DENND4C: variants seen among roughly 807,000 people sequenced by gnomAD.
DENND4C encodes the protein DENN domain containing 4C, also known as DENN domain-containing protein 4C.
Under a neutral mutation model 203.0 loss-of-function variants are expected in DENND4C, and 108 were observed. The observed-to-expected ratio is 0.53, with a 90% CI of 0.46 to 0.62. The LOEUF is 0.62. Among genes scored for constraint, DENND4C ranks in the 20% least tolerant of loss-of-function variants. DENND4C has a pLI of 0.00. For missense variants in DENND4C, 2,481 were observed against 2,301.2 expected, an observed-to-expected ratio of 1.08 and a Z score of -1.60; for synonymous variants, 871 against 792.4, an observed-to-expected ratio of 1.10 and a Z score of -1.67.
In DENND4C at chr9:19,316,432, G is replaced by A; in HGVS notation, c.1503G>A (p.Lys501=). ...GATTTAATAGATCAGATGAAAAGAAGAACATGAACTGGAAGCAACTTCCCA... is the reference window on the plus strand; with the variant it reads ...GATTTAATAGATCAGATGAAAAGAAAAACATGAACTGGAAGCAACTTCCCA... The part of the protein sequence containing the change: ...TNMLYVSDEK[K]NMNWKQLPKK... The change falls in exon 11 of 33, where the codon AAG becomes AAA. Residue 501 remains lysine, a synonymous_variant. Coordinates refer to ENST00000434457, the MANE Select transcript of DENND4C (RefSeq NM_001330640.2). 1 of 1,613,122 alleles carries A rather than the reference G, an allele frequency of 6.2e-7. No individual in the cohort carries two copies. Among genetic ancestry groups the A allele is most frequent in the Non-Finnish European group, 8.5e-7 (1 of 1,179,678 alleles).
rs183373143 is a variant in DENND4C, at chr9:19,295,808, A to G, written c.802-200A>G. Among the ~76,000 whole-genome samples, 711 of 152,300 alleles carry G rather than the reference A, an allele frequency of 4.7e-3. 27 individuals are homozygous for G. The highest frequency in any genetic ancestry group is 0.043 in the Admixed American group (657 of 15,298). Reference sequence around the variant, plus strand: ...TAAGATACATAGTTGAATGTATAAAATTGCAGTGGAAAAAATCTTGAGGGA... The same window carrying G: ...TAAGATACATAGTTGAATGTATAAAGTTGCAGTGGAAAAAATCTTGAGGGA... On this transcript the variant is annotated intron_variant, in intron 5 of 32. Coordinates refer to ENST00000434457, the MANE Select transcript of DENND4C (RefSeq NM_001330640.2).
intron 1 of DENND4C, among the ~76,000 whole-genome samples, chr9:19,231,813 C>T (rs10811141): frequency 0.22 from 33,443 of 151,380 alleles, 4,786 homozygotes; most frequent in Non-Finnish European, 0.33. Context: ...AATTGACCCA[C>T]TGAGCCTGCT....
intron 1 of DENND4C, among the ~76,000 whole-genome samples, chr9:19,256,398 T>C (rs1157875334): frequency 1.6e-5 from 2 of 124,850 alleles, no homozygotes; most frequent in Admixed American, 1.6e-4. Flanking sequence ...CTCACTGCCA[T>C]CTCCACCTCC....
In DENND4C at chr9:19,335,170, A is replaced by T. The variant is rs76132458; in HGVS notation, c.2589+65A>T. 5,246 of 1,217,268 alleles carry T rather than the reference A, an allele frequency of 4.3e-3. 187 individuals carry two copies. In the African/African-American group the frequency reaches 0.074, roughly 17 times the overall value. The allele number at this position is 1,217,268 out of a possible 1,614,324, so 75.4% of individuals were successfully genotyped here. ...AAGAATGATTATTTTGTATACCTTT[A>T]GTTATTCATGAAACTCCTATTAAAG... On this transcript the variant is annotated intron_variant, in intron 18 of 32. Coordinates refer to ENST00000434457, the MANE Select transcript of DENND4C (RefSeq NM_001330640.2).
At chr9:19,256,360 A>C (rs900303495) in intron 1 of DENND4C, among the ~76,000 whole-genome samples, 3 of 121,832 alleles carry the variant, frequency 2.5e-5, no homozygotes, top group Non-Finnish European at 4.7e-5. Context: ...CCCAGGCTGG[A>C]GTGCAAGGGC....
chr9:19,266,766 C>CT (rs1254079240), intron 1 of DENND4C, among the ~76,000 whole-genome samples: 2 of 152,286 alleles, frequency 1.3e-5, no homozygotes, highest in East Asian at 3.9e-4. Context: ...GGAAAACTGG[C>CT]TAGCCGTATG....
In DENND4C at chr9:19,299,611, A is replaced by T. The variant is rs555448767; in HGVS notation, c.1166+324A>T. ...CTGATTTTAACCTTTTAAATGTCTCAAATCCTTTTACTTCTTTTCATCTGC... is the reference window on the plus strand; with the variant it reads ...CTGATTTTAACCTTTTAAATGTCTCTAATCCTTTTACTTCTTTTCATCTGC... On this transcript the variant is annotated intron_variant, in intron 8 of 32. Transcript: ENST00000434457. Among the ~76,000 whole-genome samples the T allele has an allele frequency of 2.0e-5, 3 of 152,262 alleles. No individual in the cohort carries two copies. In the South Asian group the frequency reaches 6.2e-4, roughly 32 times the overall value.
At chr9:19,286,365 G>A (rs1359909551) in intron 2 of DENND4C, among the ~76,000 whole-genome samples, 1 of 152,000 alleles carries the variant, frequency 6.6e-6, no homozygotes, top group Non-Finnish European at 1.5e-5. Flanking sequence ...GATTTTTAAA[G>A]CTAAAAAATT....
At chr9:19,270,308 G>A (rs914459262) in intron 1 of DENND4C, among the ~76,000 whole-genome samples, 1 of 152,170 alleles carries the variant, frequency 6.6e-6, no homozygotes, top group African/African-American at 2.4e-5. Flanking sequence ...TATTCAGCGG[G>A]TTGTGAATCT....
At chr9:19,235,276 T>G (rs1044158432) in intron 1 of DENND4C, among the ~76,000 whole-genome samples, 1 of 152,168 alleles carries the variant, frequency 6.6e-6, no homozygotes, top group African/African-American at 2.4e-5. Flanking sequence ...AAAGTCGACT[T>G]TCTTTGAATT....
chr9:19,337,325 C>T lies in DENND4C; in HGVS notation c.2881+493C>T, dbSNP rs74305651. Among the ~76,000 whole-genome samples, 52 of 152,312 alleles carry T rather than the reference C, an allele frequency of 3.4e-4. No homozygotes were observed. In the East Asian group the frequency reaches 8.5e-3, roughly 25 times the overall value. On this transcript the variant is annotated intron_variant, in intron 20 of 32. Transcript: ENST00000434457. ...CATAGCCATGGGAATAATCCCTCTC[C>T]TCTGAAGTTAGAAATAAGTGTAACT...
chr9:19,334,321 G>A (rs1188969226), intron 17 of DENND4C, among the ~76,000 whole-genome samples: 1 of 152,024 alleles, frequency 6.6e-6, no homozygotes, highest in Non-Finnish European at 1.5e-5. Flanking sequence ...AAAATTCTGG[G>A]ATTACAGGCA....
Position 19,290,681 on chromosome 9 carries a change from ATTG to A in DENND4C, c.629-18_629-16del, listed in dbSNP as rs748849954. 10 of 1,358,184 alleles carry A rather than the reference ATTG, an allele frequency of 7.4e-6. No individual in the cohort carries two copies. The highest frequency in any genetic ancestry group is 1.5e-5 in the African/African-American group (1 of 68,706). 84.1% of individuals were successfully genotyped at this position (1,358,184 alleles called of 1,614,324 possible). A position where few individuals can be genotyped will look rare whatever the true frequency, so the allele number is the denominator to read the frequency against. On this transcript the variant is annotated intron_variant, in intron 4 of 32. Coordinates refer to ENST00000434457, the MANE Select transcript of DENND4C (RefSeq NM_001330640.2). ...GGAAAAGTAACTATTTAAAAAATTT[ATTG>A]TTGTCTCATTCTTCAAAAGGTTTAA... is the stretch of plus-strand genomic sequence containing the variant.
chr9:19,273,830 T>TA (rs551943613), intron 1 of DENND4C, among the ~76,000 whole-genome samples: 38 of 152,054 alleles, frequency 2.5e-4, no homozygotes, highest in South Asian at 2.1e-3. Flanking sequence ...GTGAAAAAAA[T>TA]GGTACACTCC....
At chr9:19,328,644 TGTC>T (rs1818364111) in intron 16 of DENND4C, among the ~76,000 whole-genome samples, 1 of 128,370 alleles carries the variant, frequency 7.8e-6, no homozygotes, top group East Asian at 2.0e-4. Flanking sequence ...TCTGTCTGTC[TGTC>T]TGTCTGTCTG....
At chr9:19,301,178 CA>C (rs576219374) in intron 9 of DENND4C, among the ~76,000 whole-genome samples, 3,738 of 112,058 alleles carry the variant, frequency 0.033, 134 homozygotes, top group African/African-American at 0.1. Flanking sequence ...AACTCCGTCT[CA>C]AAAAAAAAAA....
At chr9:19,276,759 T>C (rs988287052) in intron 2 of DENND4C, 2 of 225,304 alleles carry the variant, frequency 8.9e-6, no homozygotes, top group African/African-American at 4.5e-5. Context: ...GTTTCTGTTG[T>C]ACTTATCAAA....
chr9:19,351,201 C>T (rs1224319422), intron 24 of DENND4C, among the ~76,000 whole-genome samples: 1 of 152,120 alleles, frequency 6.6e-6, no homozygotes, highest in African/African-American at 2.4e-5. Flanking sequence ...ACTGTGGTCA[C>T]CTACTGCCTT....
intron 20 of DENND4C, chr9:19,337,647 C>T (rs1467020642): frequency 7.8e-7 from 1 of 1,288,460 alleles, no homozygotes; most frequent in Admixed American, 2.3e-5. Context: ...TGCATTAATT[C>T]TACCCTTGAA....
Sources: gnomAD v4.1 joint callset for allele counts (sites outside exome capture counted in the v4.1 genomes callset) on GRCh38, gnomAD v4.1.1 for gene constraint, MANE v1.5 for transcripts, NCBI Gene and HGNC (gene_info 2026-07-23, HGNC 2026-07-21) for gene names.